PCDHA5: variants seen among roughly 807,000 people sequenced by gnomAD.
PCDHA5 encodes protocadherin alpha-5.
A neutral mutation model predicts 61.6 loss-of-function variants in PCDHA5; 43 were observed. That is an observed-to-expected ratio of 0.70 (90% confidence interval 0.55 to 0.90). The LOEUF is 0.90. PCDHA5 is among the 40% of genes least tolerant of loss of function. The probability of loss-of-function intolerance (pLI) is 0.00; values close to 1 mark genes in which losing one functional copy is unlikely to be tolerated. For missense variants in PCDHA5, 1,298 were observed against 1,222.7 expected, an observed-to-expected ratio of 1.06 and a Z score of -0.92; for synonymous variants, 627 against 543.9, an observed-to-expected ratio of 1.15 and a Z score of -2.13.
chr5:140,851,789 C>G, intron 1 of PCDHA5: 1 of 955,732 alleles, frequency 1.0e-6, no homozygotes, highest in Non-Finnish European at 1.3e-6. Context: ...TGAGAATTCA[C>G]TTGTTCTGTC....
Position 140,838,087 on chromosome 5 carries a change from T to A in PCDHA5, c.2352+13960T>A, listed in dbSNP as rs1474008542. On this transcript the variant is annotated intron_variant, in intron 1 of 3. Coordinates refer to ENST00000529859, the MANE Select transcript of PCDHA5 (RefSeq NM_018908.3). Reference sequence around the variant, plus strand: ...AAGTTATATATATATAGTGTGTGTGTGTGTGTGTGTGTGTGTGTGTGTGTG... The same window carrying A: ...AAGTTATATATATATAGTGTGTGTGAGTGTGTGTGTGTGTGTGTGTGTGTG... Among the ~76,000 whole-genome samples the A allele has an allele frequency of 7.9e-4, 77 of 97,646 alleles. 1 individual carries two copies. Among genetic ancestry groups the A allele is most frequent in the South Asian group, 3.4e-3 (11 of 3,264 alleles). 64.1% of individuals were successfully genotyped at this position (97,646 alleles called of 152,430 possible).
chr5:141,004,619 G>C (rs1004302739), intron 3 of PCDHA5, among the ~76,000 whole-genome samples: 9 of 152,136 alleles, frequency 5.9e-5, no homozygotes, highest in Non-Finnish European at 1.0e-4. Context: ...GCAGAGTCCT[G>C]GTTATGGTTG....
intron 1 of PCDHA5, among the ~76,000 whole-genome samples, chr5:140,912,343 ATTTTT>A (rs35252606): frequency 7.0e-6 from 1 of 143,858 alleles, no homozygotes; most frequent in Non-Finnish European, 1.5e-5. Context: ...TACACTAAGT[ATTTTT>A]TTTTTTTTTT....
chr5:140,823,516 C>A lies in PCDHA5; in HGVS notation c.1741C>A (p.Pro581Thr). ...GTGGAVSELV[P>T]RSVGAGHVVA... ...CGGCGGCGCAGTGAGCGAGCTGGTG[C>A]CGAGGTCAGTGGGTGCGGGCCACGT... Residue 581 changes from proline to threonine, a missense_variant, in exon 1 of 4, where the codon CCG (proline) becomes ACG (threonine). Physicochemically the swap from Pro to Thr is conservative, Grantham distance 38. Transcript: ENST00000529859. 4.3e-6 allele frequency: 7 copies of A among 1,613,468 alleles called. No individual in the cohort carries two copies. Among genetic ancestry groups the A allele is most frequent in the Non-Finnish European group, 5.9e-6 (7 of 1,179,714 alleles).
intron 1 of PCDHA5, among the ~76,000 whole-genome samples, chr5:140,871,794 ATTACTATT>A (rs1415079404): frequency 2.2e-4 from 33 of 152,228 alleles, no homozygotes; most frequent in African/African-American, 7.7e-4. Flanking sequence ...AGTAGAAATA[ATTACTATT>A]TTCACTAAAG....
rs1554129359 is a variant in PCDHA5, at chr5:140,823,461, G to T, written c.1686G>T (p.Pro562=). The T allele has an allele frequency of 2.5e-6, 4 of 1,613,324 alleles. No homozygotes were observed. The African/African-American group carries it at 4.0e-5, about 16-fold the overall frequency. ...VFVLDENDNA[P]ALLVPRVGGT... is the part of the protein sequence containing the mutation. ...TGCTGGACGAGAACGACAACGCGCC[G>T]GCGCTGCTGGTGCCTCGAGTGGGTG... is the stretch of plus-strand genomic sequence containing the variant. Residue 562 remains proline, a synonymous_variant, in exon 1 of 4, where the codon CCG becomes CCT. Transcript: ENST00000529859.
rs2150182871 is a variant in PCDHA5 at position 140,830,216 on chromosome 5, A to G, written c.2352+6089A>G. ...GATCATCGCCATCTGCGCGGTATCC[A>G]GCCTGCTGGTCCTCACGCTACTGCT... is the stretch of plus-strand genomic sequence containing the variant. On this transcript the variant is annotated intron_variant, in intron 1 of 3. Transcript: ENST00000529859. 72 of 1,613,860 alleles carry G rather than the reference A, an allele frequency of 4.5e-5. No homozygotes were observed. The South Asian group carries it at 7.4e-4, about 16-fold the overall frequency.
chr5:140,993,001 TC>T (rs1554253322), intron 3 of PCDHA5, among the ~76,000 whole-genome samples: 4 of 152,124 alleles, frequency 2.6e-5, no homozygotes, highest in Admixed American at 2.6e-4. Context: ...TGAAAGAGCC[TC>T]CCCAGAGTCC....
At chr5:140,859,880 T>C (rs922706728) in intron 1 of PCDHA5, 1 of 152,036 alleles carries the variant, frequency 6.6e-6, no homozygotes, top group Non-Finnish European at 1.5e-5. Context: ...CCCTCTGATA[T>C]TTTGAAAAAA....
chr5:140,876,250 A>C (rs782111802), intron 1 of PCDHA5: 1 of 1,614,046 alleles, frequency 6.2e-7, no homozygotes. Context: ...AAACGACACA[A>C]GAGTGATCCA....
Position 141,009,792 on chromosome 5 carries a change from C to G in PCDHA5, c.2666C>G (p.Pro889Arg), listed in dbSNP as rs1359138927. ...SPAIISIRQEPTNSQIDKSDF... is the reference protein window; with the variant it reads ...SPAIISIRQERTNSQIDKSDF... ...GCAATCATCTCCATCCGGCAGGAGC[C>G]TACTAACAGCCAAATTGACAAAAGT... The change falls in exon 4 of 4, where the codon CCT (proline) becomes CGT (arginine). Residue 889 changes from proline (P) to arginine (R), a missense_variant. Physicochemically the swap from Pro to Arg is moderately radical, Grantham distance 103. Coordinates refer to ENST00000529859, the MANE Select transcript of PCDHA5 (RefSeq NM_018908.3). The G allele has an allele frequency of 4.3e-6, 7 of 1,613,950 alleles. 1 individual carries two copies. Among genetic ancestry groups the G allele is most frequent in the Middle Eastern group, 3.3e-4 (2 of 6,084 alleles).
At chr5:140,869,630 A>G in intron 1 of PCDHA5, 2 of 1,613,720 alleles carry the variant, frequency 1.2e-6, no homozygotes, top group Non-Finnish European at 8.5e-7. Context: ...AGTAAAAATG[A>G]GTATTTTTCT....
intron 1 of PCDHA5, chr5:140,863,555 T>A (rs2153224638): frequency 2.6e-6 from 1 of 378,382 alleles, no homozygotes; most frequent in East Asian, 6.5e-5. Flanking sequence ...CAATAGGAAA[T>A]TTTTGAGAAT....
At chr5:140,834,107 A>C in intron 1 of PCDHA5, 1 of 401,594 alleles carries the variant, frequency 2.5e-6, no homozygotes, top group Non-Finnish European at 4.4e-6. Context: ...AAAAAAATTC[A>C]GAGTTTGAAA....
chr5:140,828,494 G>C (rs1333830874), intron 1 of PCDHA5: 1 of 1,614,144 alleles, frequency 6.2e-7, no homozygotes. Flanking sequence ...CTTGTTCCCG[G>C]TAGAGGAACA....
intron 1 of PCDHA5, among the ~76,000 whole-genome samples, chr5:140,897,980 A>C (rs1313292712): frequency 6.6e-6 from 1 of 152,206 alleles, no homozygotes. Context: ...GGCTGCATAA[A>C]TGTCTTCTTT....
intron 3 of PCDHA5, among the ~76,000 whole-genome samples, chr5:140,990,652 A>T (rs1023448596): frequency 1.3e-4 from 20 of 152,208 alleles, no homozygotes; most frequent in Admixed American, 1.3e-3. Flanking sequence ...GCCAGTATGA[A>T]TGATTTACAT....
At chr5:140,843,478 T>C in intron 1 of PCDHA5, 1 of 1,595,862 alleles carries the variant, frequency 6.3e-7, no homozygotes, top group Non-Finnish European at 8.6e-7. Flanking sequence ...TGCTGTACAC[T>C]GCGCTGCGGT....
At chr5:140,827,714 T>G (rs1554130865) in intron 1 of PCDHA5, among the ~76,000 whole-genome samples, 1 of 152,242 alleles carries the variant, frequency 6.6e-6, no homozygotes, top group African/African-American at 2.4e-5. Flanking sequence ...CAAATATTGG[T>G]AGAAAAGTTG....
Sources: allele counts gnomAD v4.1 joint callset (sites outside exome capture counted in the v4.1 genomes callset), GRCh38; gene constraint gnomAD v4.1.1; transcripts MANE v1.5; gene names NCBI Gene and HGNC (gene_info 2026-07-23, HGNC 2026-07-21).